Variants in TRPV3 observed in about 807,000 individuals in gnomAD.
The protein encoded by TRPV3 is transient receptor potential cation channel subfamily V member 3, also known as VRL-3.
Under a neutral mutation model 87.1 loss-of-function variants are expected in TRPV3, and 88 were observed. The observed-to-expected ratio is 1.01, with a 90% CI of 0.85 to 1.21. The LOEUF (loss-of-function observed/expected upper bound fraction) is 1.21. TRPV3 is among the 50% of genes most tolerant of loss of function. TRPV3 has a pLI of 0.00. For synonymous variants in TRPV3, 438 were observed against 423.3 expected, an observed-to-expected ratio of 1.03 and a Z score of -0.43; for missense variants, 1,054 against 1,030.1, an observed-to-expected ratio of 1.02 and a Z score of -0.32.
At chr17:3,533,072 G>A (rs1430546919) in intron 7 of TRPV3, 135 bp from the exon 8 acceptor site, 38 of 1,000,820 alleles carry the variant, frequency 3.8e-5, no homozygotes, top group Non-Finnish European at 5.1e-5. Context: ...CCCATCTTCC[G>A]CTTCTACGGG....
Position 3,518,746 on chromosome 17 carries a change from G to C in TRPV3, c.1915C>G (p.Leu639Val). ...TTCTGCTGGATGTTCAGGTCACCCAGGCCTATGGTGAGCTTGAAGAGTTCC... is the reference window on the plus strand; with the variant it reads ...TTCTGCTGGATGTTCAGGTCACCCACGCCTATGGTGAGCTTGAAGAGTTCC... ...VLELFKLTIG[L>V]GDLNIQQNSK... Residue 639 changes from leucine to valine, a missense_variant, in exon 15 of 18, where the codon CTG becomes GTG. By Grantham distance (32) the Leu-to-Val change is conservative. Transcript: ENST00000576742. This position sits in a 1 kb window ranked among gnomAD's most constrained non-coding sequence, Gnocchi z 4.3. The C allele has an allele frequency of 6.2e-7, 1 of 1,613,972 alleles. No individual in the cohort carries two copies. The highest frequency in any genetic ancestry group is 8.5e-7 in the Non-Finnish European group (1 of 1,179,924).
chr17:3,525,071 G>A (rs1194095802), intron 12 of TRPV3, among the ~76,000 whole-genome samples: 2 of 152,224 alleles, frequency 1.3e-5, no homozygotes, highest in East Asian at 1.9e-4. Context: ...CTAGGCTGGA[G>A]TACAGTGGCA....
At position 3,556,624 on chromosome 17, in the gene TRPV3, C is replaced by T. The variant is rs2074635475; in HGVS notation, c.-3+1052G>A. Among the ~76,000 whole-genome samples, 1 of 152,154 alleles carries T rather than the reference C, an allele frequency of 6.6e-6. No individual in the cohort carries two copies. Among genetic ancestry groups the T allele is most frequent in the African/African-American group, 2.4e-5 (1 of 41,434 alleles). The stretch of plus-strand genomic sequence containing the variant: ...GGAGGAAGTTTCCGGAGCCAGGTGT[C>T]ATCAGGCTGGAGAGAGTCCCCCGCC... On this transcript the variant is annotated intron_variant, in intron 1 of 17. Coordinates refer to ENST00000576742, the MANE Select transcript of TRPV3 (RefSeq NM_145068.4). The surrounding 1 kb of genome is among the most constrained non-coding windows in gnomAD (Gnocchi z 4.2).
chr17:3,518,192 T>C lies in TRPV3; in HGVS notation c.2085+384A>G, dbSNP rs2074201552. ...GGTTACCACCTCTGAACCCATCCTA[T>C]GCATTGGTTTCCTCAGCATGTAAGA... On this transcript the variant is annotated intron_variant, in intron 15 of 17. Transcript: ENST00000576742. The surrounding 1 kb of genome is among the most constrained non-coding windows in gnomAD (Gnocchi z 4.3). 6.6e-6 allele frequency among the ~76,000 whole-genome samples: 1 copy of C among 152,128 alleles called. No individual in the cohort carries two copies. The highest frequency in any genetic ancestry group is 2.4e-5 in the African/African-American group (1 of 41,430).
intron 2 of TRPV3, among the ~76,000 whole-genome samples, chr17:3,548,294 A>C (rs2074543973): frequency 6.6e-6 from 1 of 152,180 alleles, no homozygotes; most frequent in Non-Finnish European, 1.5e-5. Flanking sequence ...TTCTGCAGAC[A>C]AGAGAACTGA....
rs2150790039 is a variant in TRPV3 at position 3,530,291 on chromosome 17, G to A, written c.1066-88C>T. 14 of 1,385,528 alleles carry A rather than the reference G, an allele frequency of 1.0e-5. No individual in the cohort carries two copies. The South Asian group carries it at 1.7e-4, about 17-fold the overall frequency. The allele number at this position is 1,385,528 out of a possible 1,614,324, so 85.8% of individuals were successfully genotyped here. A position where few individuals can be genotyped will look rare whatever the true frequency, so the allele number is the denominator to read the frequency against. ...ACCAGCCAGAGGCTGGCTGGGCCCA[G>A]GGGATACACCCGCCCAGAATGGGTG... On this transcript the variant is annotated intron_variant, in intron 8 of 17. Transcript: ENST00000576742. The surrounding 1 kb of genome is among the most constrained non-coding windows in gnomAD (Gnocchi z 4.0).
rs890535940 is a variant in TRPV3 at position 3,518,272 on chromosome 17, G to T, written c.2085+304C>A. ...AACTGTCACCTCCACTGTCCTAGACGCTGTACTCCTCTTAATGCAACCTAA... is the reference window on the plus strand; with the variant it reads ...AACTGTCACCTCCACTGTCCTAGACTCTGTACTCCTCTTAATGCAACCTAA... On this transcript the variant is annotated intron_variant, in intron 15 of 17. Coordinates refer to ENST00000576742, the MANE Select transcript of TRPV3 (RefSeq NM_145068.4). This position sits in a 1 kb window ranked among gnomAD's most constrained non-coding sequence, Gnocchi z 4.3. Among the ~76,000 whole-genome samples, 1 of 152,156 alleles carries T rather than the reference G, an allele frequency of 6.6e-6. No individual in the cohort carries two copies. The highest frequency in any genetic ancestry group is 1.5e-5 in the Non-Finnish European group (1 of 68,022).
chr17:3,540,529 CT>C (rs1486851901), intron 6 of TRPV3, among the ~76,000 whole-genome samples: 4 of 152,186 alleles, frequency 2.6e-5, no homozygotes, highest in Admixed American at 1.3e-4. Flanking sequence ...CACAGAAACA[CT>C]AACAACCTTC....
At chr17:3,533,071 C>T (rs1051992244) in intron 7 of TRPV3, 134 bp from the exon 8 acceptor site, 124 of 1,033,546 alleles carry the variant, frequency 1.2e-4, no homozygotes, top group Non-Finnish European at 1.3e-4. Context: ...CCCCATCTTC[C>T]GCTTCTACGG....
chr17:3,513,935 G>A lies in TRPV3; in HGVS notation c.2355C>T (p.Phe785=), dbSNP rs2074147096. The A allele has an allele frequency of 6.2e-7, 1 of 1,614,144 alleles. No individual in the cohort carries two copies. Among genetic ancestry groups the A allele is most frequent in the African/African-American group, 1.3e-5 (1 of 75,064 alleles). Residue 785 remains phenylalanine (F), a synonymous_variant, in exon 18 of 18, where the codon TTC becomes TTT. Coordinates refer to ENST00000576742, the MANE Select transcript of TRPV3 (RefSeq NM_145068.4). Reference sequence around the variant, plus strand: ...TCCGCTTCTACACCGAGGTTTCCGGGAATTCCTCGACTTCTTCAAATGCAT... The same window carrying A: ...TCCGCTTCTACACCGAGGTTTCCGGAAATTCCTCGACTTCTTCAAATGCAT... ...TLNAFEEVEE[F]PETSV
Position 3,516,469 on chromosome 17 carries a change from C to G in TRPV3, c.2186G>C (p.Arg729Pro). ...ELCKVAEDDF[R>P]LCLRINEVKW... ...CTCCCTTTGTTACCGCAAACACAGT[C>G]GGAAATCATCCTCGGCCACTTTGCA... is the stretch of plus-strand genomic sequence containing the variant. The change falls in exon 16 of 18, where the codon CGA (arginine) becomes CCA (proline). Residue 729 changes from arginine (R) to proline (P), a missense_variant. By Grantham distance (103) the Arg-to-Pro change is moderately radical. Coordinates refer to ENST00000576742, the MANE Select transcript of TRPV3 (RefSeq NM_145068.4). 6.2e-7 allele frequency: 1 copy of G among 1,613,976 alleles called. No homozygotes were observed.
rs114671370 is a variant in TRPV3 at position 3,555,702 on chromosome 17, C to T, written c.-2-850G>A. ...ATCTTCCAACAAGACCAGGATAGAC[C>T]GTACAGGCTGCTGTGTGGAGGAAGG... On this transcript the variant is annotated intron_variant, in intron 1 of 17. Transcript: ENST00000576742. Among the ~76,000 whole-genome samples, 929 of 152,228 alleles carry T rather than the reference C, an allele frequency of 6.1e-3. 10 individuals carry two copies. Among genetic ancestry groups the T allele is most frequent in the African/African-American group, 0.021 (885 of 41,536 alleles).
At chr17:3,522,932 T>C (rs928010276) in intron 13 of TRPV3, among the ~76,000 whole-genome samples, 1 of 152,062 alleles carries the variant, frequency 6.6e-6, no homozygotes, top group Non-Finnish European at 1.5e-5. Context: ...TGTATATGTA[T>C]AGGAAAAAAC....
intron 12 of TRPV3, among the ~76,000 whole-genome samples, chr17:3,526,358 A>G (rs2074299671): frequency 6.6e-6 from 1 of 152,062 alleles, no homozygotes; most frequent in African/African-American, 2.4e-5. Flanking sequence ...CACGTCTGTA[A>G]TCCCAGCTAC....
intron 6 of TRPV3, among the ~76,000 whole-genome samples, chr17:3,542,033 T>G (rs994534233): frequency 6.6e-6 from 1 of 152,228 alleles, no homozygotes. Flanking sequence ...CTCGGCTCAC[T>G]GCAACCTCCG....
chr17:3,528,116 T>TGCG lies in TRPV3; in HGVS notation c.1409_1411dup (p.Pro470dup). ...CATCTTGTGCGTCAGGGCCAAGGGG[T>TGCG]GCGGGATGGCCTGCAGGGAAAGAAG... On this transcript the variant is annotated inframe_insertion, in exon 11 of 18. Coordinates refer to ENST00000576742, the MANE Select transcript of TRPV3 (RefSeq NM_145068.4). The surrounding 1 kb of genome is among the most constrained non-coding windows in gnomAD (Gnocchi z 4.2). 2 of 1,612,354 alleles carry TGCG rather than the reference T, an allele frequency of 1.2e-6. No individual in the cohort carries two copies. The highest frequency in any genetic ancestry group is 1.7e-6 in the Non-Finnish European group (2 of 1,179,378).
chr17:3,544,511 G>A (rs954648331), intron 4 of TRPV3, 68 bp downstream of exon 4: 41 of 1,011,410 alleles, frequency 4.1e-5, no homozygotes, highest in South Asian at 3.7e-4. Flanking sequence ...GCAGGGCCCC[G>A]GATCCTGTCT....
chr17:3,530,053 T>C lies in TRPV3; in HGVS notation c.1216A>G (p.Ile406Val), dbSNP rs1396325779. The C allele has an allele frequency of 6.2e-7, 1 of 1,613,668 alleles. No individual in the cohort carries two copies. The highest frequency in any genetic ancestry group is 1.3e-5 in the African/African-American group (1 of 74,938). Residue 406 changes from isoleucine (I) to valine (V), a missense_variant, in exon 9 of 18, where the codon ATC (isoleucine) becomes GTC (valine). Physicochemically the swap from Ile to Val is conservative, Grantham distance 29. Transcript: ENST00000576742. The surrounding 1 kb of genome is among the most constrained non-coding windows in gnomAD (Gnocchi z 4.0). ...TCGATGTTGGTGTTGTAGACAGTGA[T>C]TTCCAGCACTGAGTTGTCCGTGGTG... ...DTTTDNSVLE[I>V]TVYNTNIDNR...
At chr17:3,547,676 G>A (rs2074539331) in intron 2 of TRPV3, among the ~76,000 whole-genome samples, 3 of 152,130 alleles carry the variant, frequency 2.0e-5, no homozygotes, top group Admixed American at 2.0e-4. Flanking sequence ...GGACAGGGCT[G>A]GGAATTCCCT....
Sources: allele counts gnomAD v4.1 joint callset (sites outside exome capture counted in the v4.1 genomes callset), GRCh38; gene constraint gnomAD v4.1.1; non-coding constraint Gnocchi (gnomAD v3.1); transcripts MANE v1.5; gene names NCBI Gene and HGNC (gene_info 2026-07-23, HGNC 2026-07-21).